The following PTPRD variants were observed in gnomAD, a reference collection of about 807,000 sequenced individuals.
The protein encoded by PTPRD is protein tyrosine phosphatase receptor type D.
PTPRD carries 34 observed loss-of-function variants against 214.5 expected under a neutral mutation model. The ratio of observed to expected loss-of-function variants is 0.16; its 90% CI spans 0.12 to 0.21. PTPRD has a LOEUF of 0.21. PTPRD is among the 10% of genes least tolerant of loss of function. The pLI is 1.00. For synonymous variants in PTPRD, 1,128 were observed against 845.7 expected, an observed-to-expected ratio of 1.33 and a Z score of -5.79; for missense variants, 2,545 against 2,398.7, an observed-to-expected ratio of 1.06 and a Z score of -1.27.
intron 2 of PTPRD, among the ~76,000 whole-genome samples, chr9:10,440,033 T>A (rs1367691384): frequency 6.6e-6 from 1 of 151,246 alleles, no homozygotes; most frequent in Non-Finnish European, 1.5e-5. Flanking sequence ...AATATATATA[T>A]AATAGTTTCA....
intron 2 of PTPRD, among the ~76,000 whole-genome samples, chr9:10,558,821 A>C (rs2063199175): frequency 1.3e-5 from 2 of 152,174 alleles, no homozygotes. Context: ...TCCCTAGTTT[A>C]CTAAAAACCA....
chr9:8,592,114 T>A (rs1356652064), intron 14 of PTPRD, among the ~76,000 whole-genome samples: 1 of 152,136 alleles, frequency 6.6e-6, no homozygotes, highest in Non-Finnish European at 1.5e-5. Context: ...AAAAGAACTA[T>A]GTGGAAAAAT....
At chr9:9,696,379 G>C (rs751779417) in intron 7 of PTPRD, among the ~76,000 whole-genome samples, 2 of 152,074 alleles carry the variant, frequency 1.3e-5, no homozygotes, top group Non-Finnish European at 2.9e-5. Context: ...TGGATAACCT[G>C]TTCATTACTG....
chr9:8,870,667 G>T (rs1374579484), intron 11 of PTPRD, among the ~76,000 whole-genome samples: 1 of 133,586 alleles, frequency 7.5e-6, no homozygotes, highest in Non-Finnish European at 1.6e-5. Flanking sequence ...AGAAAACAGG[G>T]TTATAAGACA....
intron 7 of PTPRD, among the ~76,000 whole-genome samples, chr9:9,588,601 A>C (rs1348644144): frequency 2.6e-5 from 4 of 152,110 alleles, no homozygotes; most frequent in African/African-American, 9.6e-5. Context: ...ATATTTCTTA[A>C]AGTTGCACAG....
chr9:10,018,772 A>G (rs2096781541), intron 4 of PTPRD, among the ~76,000 whole-genome samples: 1 of 150,990 alleles, frequency 6.6e-6, no homozygotes, highest in Non-Finnish European at 1.5e-5. Flanking sequence ...GATGGTCTCG[A>G]TCTCCTGACC....
intron 10 of PTPRD, among the ~76,000 whole-genome samples, chr9:9,149,238 A>G (rs1011365730): frequency 6.6e-6 from 1 of 152,224 alleles, no homozygotes; most frequent in African/African-American, 2.4e-5. Context: ...TGCAAGGATG[A>G]CATGAGATAA....
chr9:9,989,706 C>G (rs1022009210), intron 4 of PTPRD, among the ~76,000 whole-genome samples: 1 of 152,182 alleles, frequency 6.6e-6, no homozygotes, highest in African/African-American at 2.4e-5. Flanking sequence ...AACTGTTTAA[C>G]ATTTAAGCAA....
intron 11 of PTPRD, among the ~76,000 whole-genome samples, chr9:8,812,491 A>C (rs575720015): frequency 6.6e-6 from 1 of 152,336 alleles, no homozygotes; most frequent in Non-Finnish European, 1.5e-5. Context: ...CAAAGGGAGA[A>C]ATAATTTCCG....
chr9:10,096,965 A>T (rs1482344750), intron 3 of PTPRD, among the ~76,000 whole-genome samples: 1 of 151,636 alleles, frequency 6.6e-6, no homozygotes, highest in South Asian at 2.1e-4. Context: ...TGGCTAGCCA[A>T]TTTTCCCAGC....
Position 9,625,745 on chromosome 9 carries a change from C to T in PTPRD, c.-286-50964G>A, listed in dbSNP as rs769522687. ...GAGGCCATTATGGGAAGTTTCTTCACATGCAACAAGTAGGGACATTTTATC... is the reference window on the plus strand; with the variant it reads ...GAGGCCATTATGGGAAGTTTCTTCATATGCAACAAGTAGGGACATTTTATC... On this transcript the variant is annotated intron_variant, in intron 7 of 45. Coordinates refer to ENST00000381196, the MANE Select transcript of PTPRD (RefSeq NM_002839.4). Among the ~76,000 whole-genome samples the T allele has an allele frequency of 5.5e-4, 83 of 152,194 alleles. 1 individual carries two copies. Among genetic ancestry groups the T allele is most frequent in the Admixed American group, 1.8e-3 (28 of 15,292 alleles).
intron 9 of PTPRD, among the ~76,000 whole-genome samples, chr9:9,362,055 T>C (rs1157805456): frequency 1.3e-5 from 2 of 151,160 alleles, no homozygotes; most frequent in African/African-American, 4.8e-5. Context: ...TGTTCAAATG[T>C]TGACTTAAAA....
chr9:8,351,326 A>T (rs761357584), intron 39 of PTPRD, among the ~76,000 whole-genome samples: 2 of 152,166 alleles, frequency 1.3e-5, no homozygotes, highest in Non-Finnish European at 2.9e-5. Context: ...AAGATACACA[A>T]ATCAGAATAG....
intron 9 of PTPRD, among the ~76,000 whole-genome samples, chr9:9,322,421 A>G (rs1382875312): frequency 6.6e-6 from 1 of 152,198 alleles, no homozygotes; most frequent in East Asian, 1.9e-4. Context: ...GAGAGTTTAA[A>G]TAACACATTT....
At chr9:10,259,558 C>G (rs549616236) in intron 3 of PTPRD, among the ~76,000 whole-genome samples, 1 of 152,034 alleles carries the variant, frequency 6.6e-6, no homozygotes, top group Non-Finnish European at 1.5e-5. Context: ...GTTCCTGACG[C>G]AATATGAACC....
intron 11 of PTPRD, among the ~76,000 whole-genome samples, chr9:8,790,200 G>C (rs991494738): frequency 1.3e-5 from 2 of 151,556 alleles, no homozygotes; most frequent in Admixed American, 6.6e-5. Context: ...ATTTTTTGTA[G>C]AGACGGGATC....
intron 10 of PTPRD, among the ~76,000 whole-genome samples, chr9:9,095,895 T>C (rs1345814319): frequency 4.6e-5 from 7 of 152,144 alleles, no homozygotes; most frequent in Non-Finnish European, 2.9e-5. Context: ...GTGGTACATA[T>C]ATACAATGGA....
chr9:9,281,655 C>A (rs984780558), intron 9 of PTPRD, among the ~76,000 whole-genome samples: 3 of 151,196 alleles, frequency 2.0e-5, no homozygotes, highest in African/African-American at 7.3e-5. Flanking sequence ...GGTGGGAATG[C>A]AAAATGGTAC....
At chr9:9,879,671 T>C (rs2068015645) in intron 5 of PTPRD, among the ~76,000 whole-genome samples, 1 of 152,130 alleles carries the variant, frequency 6.6e-6, no homozygotes, top group Admixed American at 6.6e-5. Context: ...AGTGAAAGTT[T>C]AGGTTTTTTG....
Sources: allele counts gnomAD v4.1 joint callset (sites outside exome capture counted in the v4.1 genomes callset), GRCh38; gene constraint gnomAD v4.1.1; transcripts MANE v1.5; gene names NCBI Gene and HGNC (gene_info 2026-07-23, HGNC 2026-07-21).